RBFOX1: variants seen among roughly 807,000 people sequenced by gnomAD.
RBFOX1 encodes RNA binding fox-1 homolog 1.
Under a neutral mutation model 57.7 loss-of-function variants are expected in RBFOX1, and 8 were observed. That is an observed-to-expected ratio of 0.14 (90% CI 0.08 to 0.25). The LOEUF (loss-of-function observed/expected upper bound fraction) is 0.25, where lower values mean the gene tolerates loss of function less well. Ranked by LOEUF, RBFOX1 falls within the 10% of genes least tolerant of loss-of-function variation. RBFOX1 has a pLI of 1.00. For synonymous variants in RBFOX1, 326 were observed against 222.4 expected (o/e 1.47, Z -4.15); for missense variants, 611 against 548.5 (o/e 1.11, Z -1.14).
chr16:5,359,944 C>G (rs2065496968), intron 1 of RBFOX1, among the ~76,000 whole-genome samples: 1 of 150,942 alleles, frequency 6.6e-6, no homozygotes, highest in Non-Finnish European at 1.5e-5. Context: ...ATGTTTTTTT[C>G]TCTGTCCTCA....
rs564236363 is a variant in RBFOX1 at position 7,109,245 on chromosome 16, C to A, written c.27+57147C>A. On this transcript the variant is annotated intron_variant, in intron 4 of 15. Coordinates refer to ENST00000550418, the MANE Select transcript of RBFOX1 (RefSeq NM_018723.4). ...AGATTTTCTAATGTTAACCTTGGGACCTCATATATTATTGGATGCAAACGT... is the reference window on the plus strand; with the variant it reads ...AGATTTTCTAATGTTAACCTTGGGAACTCATATATTATTGGATGCAAACGT... Among the ~76,000 whole-genome samples the A allele has an allele frequency of 2.6e-5, 4 of 152,156 alleles. No homozygotes were observed. The South Asian group carries it at 8.3e-4, about 32-fold the overall frequency.
chr16:6,774,687 G>A (rs1050567984), intron 3 of RBFOX1, among the ~76,000 whole-genome samples: 1 of 152,012 alleles, frequency 6.6e-6, no homozygotes, highest in Admixed American at 6.6e-5. Context: ...ATTAGCATTA[G>A]CATTAAAACG....
chr16:5,984,027 TC>T (rs1273496401), intron 4 of RBFOX1, among the ~76,000 whole-genome samples: 1 of 134,572 alleles, frequency 7.4e-6, no homozygotes, highest in Non-Finnish European at 1.6e-5. Context: ...TCTTCCTTCT[TC>T]CTTCTTCTTC....
At chr16:5,522,243 C>G (rs537837893) in intron 2 of RBFOX1, among the ~76,000 whole-genome samples, 8 of 152,274 alleles carry the variant, frequency 5.3e-5, no homozygotes, top group East Asian at 3.9e-4. Flanking sequence ...TGGCCATGGA[C>G]AAGTCCATGT....
intron 10 of RBFOX1, among the ~76,000 whole-genome samples, chr16:7,615,545 C>T (rs2058301210): frequency 6.6e-6 from 1 of 152,034 alleles, no homozygotes; most frequent in African/African-American, 2.4e-5. Context: ...AGGAGTAGGG[C>T]CAAAGCTGTT....
At chr16:7,070,122 A>T (rs536976294) in intron 4 of RBFOX1, among the ~76,000 whole-genome samples, 1 of 152,286 alleles carries the variant, frequency 6.6e-6, no homozygotes, top group African/African-American at 2.4e-5. Context: ...GTTTGCAAGC[A>T]ACTGCCGCTG....
At chr16:7,333,327 T>C (rs564878264) in intron 4 of RBFOX1, among the ~76,000 whole-genome samples, 1 of 152,214 alleles carries the variant, frequency 6.6e-6, no homozygotes, top group Admixed American at 6.5e-5. Context: ...GACTGCTATT[T>C]AACATTCATG....
chr16:6,612,668 A>G (rs1258906126), intron 2 of RBFOX1, among the ~76,000 whole-genome samples: 1 of 151,914 alleles, frequency 6.6e-6, no homozygotes, highest in Non-Finnish European at 1.5e-5. Flanking sequence ...CCTGGCCAAC[A>G]TGACAAAACC....
At chr16:7,380,042 A>G (rs902396537) in intron 4 of RBFOX1, among the ~76,000 whole-genome samples, 1 of 152,134 alleles carries the variant, frequency 6.6e-6, no homozygotes, top group African/African-American at 2.4e-5. Context: ...AAATTTTTAG[A>G]GAAGAGTGTC....
At chr16:6,862,347 C>T (rs1280609256) in intron 3 of RBFOX1, among the ~76,000 whole-genome samples, 3 of 152,100 alleles carry the variant, frequency 2.0e-5, no homozygotes, top group South Asian at 2.1e-4. Flanking sequence ...GTGCAGGTTC[C>T]TGGAAGCACA....
intron 1 of RBFOX1, among the ~76,000 whole-genome samples, chr16:5,243,757 G>A (rs1232782785): frequency 1.3e-5 from 2 of 152,132 alleles, no homozygotes; most frequent in Non-Finnish European, 2.9e-5. Context: ...TGCGGTCTTG[G>A]AAAATTAATA....
intron 2 of RBFOX1, among the ~76,000 whole-genome samples, chr16:6,508,679 C>A (rs1437291809): frequency 6.6e-6 from 1 of 152,086 alleles, no homozygotes; most frequent in Non-Finnish European, 1.5e-5. Flanking sequence ...ATGGCAAGGT[C>A]ATTCCATCCT....
chr16:6,128,974 TA>T (rs1270655346), intron 1 of RBFOX1, among the ~76,000 whole-genome samples: 1 of 152,174 alleles, frequency 6.6e-6, no homozygotes, highest in Non-Finnish European at 1.5e-5. Context: ...TGACAAAGGA[TA>T]AAACCTAGCA....
chr16:5,476,627 T>A (rs979065134), intron 2 of RBFOX1, among the ~76,000 whole-genome samples: 3 of 152,240 alleles, frequency 2.0e-5, no homozygotes, highest in African/African-American at 7.2e-5. Context: ...TTAAGTGTTT[T>A]GAGTAGTGTC....
intron 4 of RBFOX1, among the ~76,000 whole-genome samples, chr16:7,274,165 G>A (rs536118115): frequency 7.2e-5 from 11 of 152,250 alleles, no homozygotes; most frequent in East Asian, 3.9e-4. Flanking sequence ...TTCTCTCTGC[G>A]TTCTTTCAAT....
intron 4 of RBFOX1, among the ~76,000 whole-genome samples, chr16:7,460,389 A>ATATATATATATATGTGTGTGTG: frequency 1.1e-5 from 1 of 87,216 alleles, no homozygotes; most frequent in African/African-American, 6.5e-5. Flanking sequence ...ATATATATAT[A>ATATATATATATATGTGTGTGTG]TGTGTGTGTG....
At chr16:7,358,671 C>T (rs534043636) in intron 4 of RBFOX1, among the ~76,000 whole-genome samples, 4 of 152,108 alleles carry the variant, frequency 2.6e-5, no homozygotes, top group Admixed American at 2.0e-4. Context: ...CCACCCACCT[C>T]GGCCTCCCAA....
intron 10 of RBFOX1, among the ~76,000 whole-genome samples, chr16:7,609,292 C>T (rs1004437732): frequency 5.3e-5 from 8 of 152,134 alleles, no homozygotes; most frequent in Non-Finnish European, 1.0e-4. Flanking sequence ...TGCATTTTTA[C>T]ATTTTTCTGG....
At chr16:7,635,745 A>G (rs992568533) in intron 11 of RBFOX1, among the ~76,000 whole-genome samples, 4 of 152,318 alleles carry the variant, frequency 2.6e-5, no homozygotes, top group South Asian at 2.1e-4. Context: ...AATGGTTGAC[A>G]GTCAATTCAA....
Sources: gnomAD v4.1 joint callset for allele counts (sites outside exome capture counted in the v4.1 genomes callset) on GRCh38, gnomAD v4.1.1 for gene constraint, MANE v1.5 for transcripts, NCBI Gene and HGNC (gene_info 2026-07-23, HGNC 2026-07-21) for gene names.